SLC1A3: variants seen among roughly 807,000 people sequenced by gnomAD.
SLC1A3 encodes excitatory amino acid transporter 1.
A neutral mutation model predicts 48.1 loss-of-function variants in SLC1A3; 21 were observed. The observed-to-expected ratio is 0.44, with a 90% CI of 0.31 to 0.63. The LOEUF (loss-of-function observed/expected upper bound fraction) is 0.63. Ranked by LOEUF, SLC1A3 falls within the 20% of genes least tolerant of loss-of-function variation. SLC1A3 has a pLI of 0.08. For synonymous variants in SLC1A3, 239 were observed against 251.4 expected (o/e 0.95, Z 0.47); for missense variants, 546 against 689.0 (o/e 0.79, Z 2.32).
Position 36,670,109 on chromosome 5 carries a change from G to GT in SLC1A3, c.320-914dup, listed in dbSNP as rs1390147567. Among the ~76,000 whole-genome samples the GT allele has an allele frequency of 3.3e-5, 5 of 152,110 alleles. No homozygotes were observed. The South Asian group carries it at 8.3e-4, about 25-fold the overall frequency. On this transcript the variant is annotated intron_variant, in intron 3 of 9. Coordinates refer to ENST00000265113, the MANE Select transcript of SLC1A3 (RefSeq NM_004172.5). The stretch of plus-strand genomic sequence containing the variant: ...ATATAGATAATTTAATCTTTTGAGA[G>GT]TTTTTTGTCTTTTCCAATAGTTTTT...
Position 36,671,114 on chromosome 5 carries a change from G to C in SLC1A3, c.405G>C (p.Val135=). ...ATATGACTACCACCATCATTGCTGT[G>C]GTGATTGGCATAATCATTGTCATCA... The part of the protein sequence containing the change: ...VYYMTTTIIA[V]VIGIIIVIII... Residue 135 remains valine (V), a synonymous_variant, in exon 4 of 10, where the codon GTG becomes GTC. Coordinates refer to ENST00000265113, the MANE Select transcript of SLC1A3 (RefSeq NM_004172.5). The C allele has an allele frequency of 6.2e-7, 1 of 1,613,876 alleles. No homozygotes were observed. The highest frequency in any genetic ancestry group is 8.5e-7 in the Non-Finnish European group (1 of 1,179,788).
intron 3 of SLC1A3, among the ~76,000 whole-genome samples, chr5:36,650,692 T>C (rs756267035): frequency 2.0e-5 from 3 of 152,208 alleles, no homozygotes; most frequent in African/African-American, 4.8e-5. Context: ...TCATGAGAGA[T>C]AGATATAAGC....
chr5:36,648,360 A>G (rs1188784190), intron 3 of SLC1A3, among the ~76,000 whole-genome samples: 2 of 152,214 alleles, frequency 1.3e-5, no homozygotes, highest in East Asian at 3.8e-4. Flanking sequence ...CGATTAATGT[A>G]AAATTTGGAA....
At chr5:36,646,229 T>C (rs1014378427) in intron 3 of SLC1A3, among the ~76,000 whole-genome samples, 1 of 152,184 alleles carries the variant, frequency 6.6e-6, no homozygotes, top group African/African-American at 2.4e-5. Context: ...AGATTATTGG[T>C]CTGACGAAGG....
upstream of SLC1A3, among the ~76,000 whole-genome samples, chr5:36,602,105 G>T (rs752229367): frequency 1.3e-5 from 2 of 152,178 alleles, no homozygotes; most frequent in Non-Finnish European, 2.9e-5. Flanking sequence ...GATTTGGGGA[G>T]TGGGAGGAGA....
At chr5:36,651,365 C>A (rs1741063684) in intron 3 of SLC1A3, among the ~76,000 whole-genome samples, 1 of 152,040 alleles carries the variant, frequency 6.6e-6, no homozygotes, top group African/African-American at 2.4e-5. Flanking sequence ...CCGCCTACCC[C>A]ACAATCCAGG....
chr5:36,607,101 AT>A (rs1738979284), intron 1 of SLC1A3: 1 of 152,152 alleles, frequency 6.6e-6, no homozygotes, highest in East Asian at 1.9e-4. Flanking sequence ...TAAGCATTTA[AT>A]CCAGTGTGAA....
Position 36,686,169 on chromosome 5 carries a change from G to A in SLC1A3, c.1529G>A (p.Gly510Asp). The change falls in exon 10 of 10, where the codon GGT (glycine) becomes GAT (aspartate). Residue 510 changes from glycine (G) to aspartate (D), a missense_variant. By Grantham distance (94) the Gly-to-Asp change is moderately conservative. Transcript: ENST00000265113. ...HELKNRDVEM[G>D]NSVIEENEMK... is the part of the protein sequence containing the mutation. The stretch of plus-strand genomic sequence containing the variant: ...CTGAAGAACAGAGATGTTGAAATGG[G>A]TAACTCAGTGATTGAAGAGAATGAA... 4 of 1,613,926 alleles carry A rather than the reference G, an allele frequency of 2.5e-6. No individual in the cohort carries two copies. The highest frequency in any genetic ancestry group is 3.4e-6 in the Non-Finnish European group (4 of 1,179,776).
chr5:36,670,829 TGCTGATGCCTCACCATTCTA>T, intron 3 of SLC1A3, 180 bp from the exon 4 acceptor site: 1 of 617,250 alleles, frequency 1.6e-6, no homozygotes, highest in Admixed American at 2.4e-5. Context: ...TCACTGACAC[TGCTGATGCCTCACCATTCTA>T]GCCTCGGCCT....
At chr5:36,639,755 G>T (rs560193662) in intron 3 of SLC1A3, among the ~76,000 whole-genome samples, 2 of 152,116 alleles carry the variant, frequency 1.3e-5, no homozygotes, top group Admixed American at 6.5e-5. Flanking sequence ...TACTCGGGTG[G>T]TGCATGAATG....
At chr5:36,629,783 C>T (rs1027437930) in intron 3 of SLC1A3, among the ~76,000 whole-genome samples, 196 bp downstream of exon 3, 2 of 152,022 alleles carry the variant, frequency 1.3e-5, no homozygotes, top group Non-Finnish European at 2.9e-5. Flanking sequence ...TTTTACCAAT[C>T]ACAAGAGGAA....
chr5:36,636,554 C>G (rs1437949325), intron 3 of SLC1A3, among the ~76,000 whole-genome samples: 1 of 138,368 alleles, frequency 7.2e-6, no homozygotes, highest in East Asian at 2.1e-4. Context: ...TCTTTCCTTT[C>G]TTTCTTTCTC....
At chr5:36,651,461 C>T (rs538490530) in intron 3 of SLC1A3, among the ~76,000 whole-genome samples, 5 of 152,258 alleles carry the variant, frequency 3.3e-5, no homozygotes, top group Admixed American at 2.0e-4. Context: ...CCCCACATTG[C>T]TTTTGGAATA....
intron 3 of SLC1A3, among the ~76,000 whole-genome samples, chr5:36,636,600 C>CTT (rs11292001): frequency 1.9e-5 from 2 of 107,772 alleles, no homozygotes; most frequent in South Asian, 3.1e-4. Context: ...TTTCTTCTTT[C>CTT]TTTTTTTTTT....
intron 5 of SLC1A3, among the ~76,000 whole-genome samples, chr5:36,674,370 T>C (rs1260924496): frequency 5.9e-5 from 9 of 152,116 alleles, no homozygotes; most frequent in Non-Finnish European, 1.3e-4. Flanking sequence ...CCCCCCTTCC[T>C]ATCACCCAAC....
At chr5:36,609,219 A>C in intron 2 of SLC1A3, 1 of 972,550 alleles carries the variant, frequency 1.0e-6, no homozygotes, top group Non-Finnish European at 1.2e-6. Flanking sequence ...AATCATTTCC[A>C]TCTCTTACTA....
chr5:36,674,188 A>C (rs1742109805), intron 5 of SLC1A3, 97 bp downstream of exon 5: 2 of 965,612 alleles, frequency 2.1e-6, no homozygotes, highest in Admixed American at 3.6e-5. Context: ...CTCTGCTATA[A>C]GAAACACTTC....
chr5:36,648,622 T>C (rs1459824941), intron 3 of SLC1A3, among the ~76,000 whole-genome samples: 1 of 152,224 alleles, frequency 6.6e-6, no homozygotes, highest in Admixed American at 6.5e-5. Context: ...ACTGAGCTAC[T>C]GATAACAACT....
At chr5:36,655,838 G>A (rs1741262844) in intron 3 of SLC1A3, among the ~76,000 whole-genome samples, 1 of 152,162 alleles carries the variant, frequency 6.6e-6, no homozygotes, top group Admixed American at 6.6e-5. Context: ...TGGTTTCCAA[G>A]GGTGTTTGAG....
Sources: allele counts gnomAD v4.1 joint callset (sites outside exome capture counted in the v4.1 genomes callset), GRCh38; gene constraint gnomAD v4.1.1; transcripts MANE v1.5; gene names NCBI Gene and HGNC (gene_info 2026-07-23, HGNC 2026-07-21).